The following RGS5 variants were observed in gnomAD, a reference collection of about 807,000 sequenced individuals.
RGS5 encodes the protein regulator of G protein signaling 5.
RGS5 carries 20 observed loss-of-function variants against 18.9 expected under a neutral mutation model. The ratio of observed to expected loss-of-function variants is 1.06; its 90% CI spans 0.74 to 1.54. The LOEUF (loss-of-function observed/expected upper bound fraction) is 1.54. Among genes scored for constraint, RGS5 ranks in the 40% most tolerant of loss-of-function variants. RGS5 has a pLI of 0.00. For missense variants in RGS5, 201 were observed against 211.8 expected (o/e 0.95, Z 0.32); for synonymous variants, 57 against 76.2 (o/e 0.75, Z 1.31).
chr1:163,227,780 G>C (rs1418304798), intron 2 of RGS5, among the ~76,000 whole-genome samples: 3 of 152,154 alleles, frequency 2.0e-5, no homozygotes, highest in Non-Finnish European at 2.9e-5. Flanking sequence ...TACAATGGGG[G>C]TACAGGCATT....
intron 4 of RGS5, among the ~76,000 whole-genome samples, chr1:163,149,118 G>C (rs1657270939): frequency 6.6e-6 from 1 of 152,194 alleles, no homozygotes; most frequent in African/African-American, 2.4e-5. Flanking sequence ...AGGTGAAAGG[G>C]GTCAATGTAC....
intron 2 of RGS5, among the ~76,000 whole-genome samples, chr1:163,231,488 TCTC>T (rs370477155): frequency 1.6e-3 from 241 of 152,144 alleles, no homozygotes; most frequent in African/African-American, 5.5e-3. Flanking sequence ...CCAGAAGTAA[TCTC>T]CTAGGAAAAA....
At chr1:163,181,924 C>T (rs1389218261) in intron 1 of RGS5, among the ~76,000 whole-genome samples, 2 of 151,954 alleles carry the variant, frequency 1.3e-5, no homozygotes, top group Non-Finnish European at 2.9e-5. Context: ...AAATTCCGAC[C>T]CTTCATTTTT....
intron 3 of RGS5, among the ~76,000 whole-genome samples, chr1:163,160,362 C>A (rs1017955060): frequency 6.6e-6 from 1 of 152,134 alleles, no homozygotes; most frequent in African/African-American, 2.4e-5. Context: ...TAAGGCAAGA[C>A]AATAAGTCCA....
chr1:163,262,291 A>G (rs1327273831), intron 2 of RGS5, among the ~76,000 whole-genome samples: 7 of 103,076 alleles, frequency 6.8e-5, no homozygotes, highest in Non-Finnish European at 1.2e-4. Flanking sequence ...ATATCTCCCA[A>G]TGCTATCCCT....
chr1:163,300,928 G>A (rs897770061), intron 2 of RGS5, among the ~76,000 whole-genome samples: 12 of 152,126 alleles, frequency 7.9e-5, no homozygotes, highest in African/African-American at 1.9e-4. Context: ...TACAGCTCAC[G>A]TTGTGTTGTG....
At chr1:163,162,760 C>T (rs530955956) in intron 2 of RGS5, 1 of 152,132 alleles carries the variant, frequency 6.6e-6, no homozygotes, top group African/African-American at 2.4e-5. Context: ...GCTATTTCAT[C>T]TCAACCACCA....
intron 2 of RGS5, among the ~76,000 whole-genome samples, chr1:163,279,506 T>C (rs1449211507): frequency 6.6e-6 from 1 of 151,872 alleles, no homozygotes; most frequent in East Asian, 1.9e-4. Flanking sequence ...TAAAAACCTA[T>C]GGGGCATAGC....
At chr1:163,149,121 CA>C (rs1437722961) in intron 4 of RGS5, among the ~76,000 whole-genome samples, 2 of 152,300 alleles carry the variant, frequency 1.3e-5, no homozygotes, top group East Asian at 3.9e-4. Flanking sequence ...TGAAAGGGGT[CA>C]ATGTACTTTA....
intron 2 of RGS5, among the ~76,000 whole-genome samples, chr1:163,284,819 T>C (rs939069217): frequency 3.3e-5 from 5 of 150,676 alleles, no homozygotes; most frequent in Non-Finnish European, 7.4e-5. Flanking sequence ...CTCTGTTTCA[T>C]TATTTCTTTC....
chr1:163,171,405 G>C (rs1032994412), intron 1 of RGS5, among the ~76,000 whole-genome samples: 1 of 152,014 alleles, frequency 6.6e-6, no homozygotes, highest in African/African-American at 2.4e-5. Flanking sequence ...CCCTTCCTGT[G>C]CACCCATCTG....
intron 3 of RGS5, among the ~76,000 whole-genome samples, chr1:163,152,933 A>G (rs554632681): frequency 1.3e-5 from 2 of 150,586 alleles, no homozygotes; most frequent in South Asian, 4.3e-4. Context: ...AGCCCTGCTC[A>G]TCATGCAGAG....
chr1:163,213,564 T>C (rs940731632), intron 1 of RGS5, among the ~76,000 whole-genome samples: 7 of 152,222 alleles, frequency 4.6e-5, no homozygotes, highest in African/African-American at 1.4e-4. Flanking sequence ...AAGGAGGCTA[T>C]TGGCATTATG....
chr1:163,289,054 C>T (rs1185899065), intron 2 of RGS5, among the ~76,000 whole-genome samples: 1 of 152,110 alleles, frequency 6.6e-6, no homozygotes, highest in Non-Finnish European at 1.5e-5. Context: ...GTCACCTTTT[C>T]TCCATATTGC....
chr1:163,192,113 T>C (rs1659383544), intron 1 of RGS5, among the ~76,000 whole-genome samples: 1 of 152,190 alleles, frequency 6.6e-6, no homozygotes, highest in African/African-American at 2.4e-5. Flanking sequence ...TGCAATAGCC[T>C]TTACGATAAA....
At chr1:163,147,931 T>C (rs1261187414) in intron 4 of RGS5, among the ~76,000 whole-genome samples, 3 of 138,718 alleles carry the variant, frequency 2.2e-5, no homozygotes, top group Non-Finnish European at 4.6e-5. Flanking sequence ...TTTTTTTTTT[T>C]TTTTTTTTTG....
chr1:163,169,481 A>G (rs1191700103), intron 1 of RGS5, among the ~76,000 whole-genome samples: 1 of 152,174 alleles, frequency 6.6e-6, no homozygotes, highest in Non-Finnish European at 1.5e-5. Flanking sequence ...TCTCACCAAC[A>G]GTGTAAAAGT....
intron 3 of RGS5, among the ~76,000 whole-genome samples, chr1:163,156,501 G>A (rs931795034): frequency 1.3e-5 from 2 of 152,158 alleles, no homozygotes; most frequent in African/African-American, 4.8e-5. Context: ...GAGAGAAGCA[G>A]TCACTTTCTG....
chr1:163,143,235 G>A lies in RGS5; in HGVS notation c.*4107C>T, dbSNP rs1656994103. 1 of 152,208 alleles carries A rather than the reference G, an allele frequency of 6.6e-6. No homozygotes were observed. Among genetic ancestry groups the A allele is most frequent in the South Asian group, 2.1e-4 (1 of 4,832 alleles). 9.4% of individuals were successfully genotyped at this position (152,208 alleles called of 1,614,324 possible). ...CGAAGCAAGTGTTCGATACGTGCTT[G>A]TCTAATAGAATGAAGAGACTATAAG... is the stretch of plus-strand genomic sequence containing the variant. On this transcript the variant is annotated 3_prime_UTR_variant, in exon 5 of 5. Coordinates refer to ENST00000313961, the MANE Select transcript of RGS5 (RefSeq NM_003617.4).
Sources: allele counts gnomAD v4.1 joint callset (sites outside exome capture counted in the v4.1 genomes callset), GRCh38; gene constraint gnomAD v4.1.1; transcripts MANE v1.5; gene names NCBI Gene and HGNC (gene_info 2026-07-23, HGNC 2026-07-21).